The following MICAL3 variants were observed in gnomAD, a reference collection of about 807,000 sequenced individuals.
MICAL3 encodes the protein [F-actin]-monooxygenase MICAL3.
Under a neutral mutation model 207.4 loss-of-function variants are expected in MICAL3, and 62 were observed. The ratio of observed to expected loss-of-function variants is 0.30; its 90% CI spans 0.24 to 0.37. MICAL3 has a LOEUF of 0.37. Among genes scored for constraint, MICAL3 ranks in the 10% least tolerant of loss-of-function variants. MICAL3 has a pLI of 1.00. For synonymous variants in MICAL3, 1,077 were observed against 1,069.3 expected, an observed-to-expected ratio of 1.01 and a Z score of -0.14; for missense variants, 2,368 against 2,635.6, an observed-to-expected ratio of 0.90 and a Z score of 2.22.
At chr22:17,850,071 A>G (rs1925128753) in intron 19 of MICAL3, among the ~76,000 whole-genome samples, 1 of 152,106 alleles carries the variant, frequency 6.6e-6, no homozygotes, top group African/African-American at 2.4e-5. Flanking sequence ...CGGGGCACTG[A>G]GAATAGTGGG....
chr22:17,806,525 G>A (rs555778530), intron 29 of MICAL3, among the ~76,000 whole-genome samples: 4 of 150,064 alleles, frequency 2.7e-5, no homozygotes, highest in African/African-American at 9.8e-5. Flanking sequence ...CAGAAATCCT[G>A]AGATTTCCAA....
In MICAL3 at chr22:17,817,387, C is replaced by T; in HGVS notation, c.5274G>A (p.Lys1758=). 1 of 1,612,994 alleles carries T rather than the reference C, an allele frequency of 6.2e-7. No homozygotes were observed. The highest frequency in any genetic ancestry group is 2.2e-5 in the East Asian group (1 of 44,842). ...KKDKKKKADD[K]SCPSTPSSGA... ...CGCTGGAGGGGGTGCTGGGGCAGGA[C>T]TTGTCGTCGGCCTTCTTCTTCTTGT... Residue 1758 remains lysine (K), a synonymous_variant, in exon 26 of 32, where the codon AAG becomes AAA. Coordinates refer to ENST00000441493, the MANE Select transcript of MICAL3 (RefSeq NM_015241.3).
chr22:17,817,478 A>C lies in MICAL3; in HGVS notation c.5183T>G (p.Leu1728Arg). 1 of 1,613,506 alleles carries C rather than the reference A, an allele frequency of 6.2e-7. No homozygotes were observed. The highest frequency in any genetic ancestry group is 2.2e-5 in the East Asian group (1 of 44,864). ...GGGTTTGGCGGCGGCTTCTTCTAGG[A>C]GGTTGGAGCTGGGCTTCTCCGGGGG... ...GRPPEKPSSN[L>R]LEEAAAKPKS... Residue 1728 changes from leucine to arginine, a missense_variant, in exon 26 of 32, where the codon CTC becomes CGC. Around this residue, in one of 4 missense-constraint regions of MICAL3, gnomAD observed 1,770 missense variants for 1,863.2 expected, o/e 0.95. Transcript: ENST00000441493.
chr22:17,914,776 C>G (rs1932373543), intron 1 of MICAL3, among the ~76,000 whole-genome samples: 2 of 152,206 alleles, frequency 1.3e-5, no homozygotes, highest in African/African-American at 4.8e-5. Context: ...TACTGGCTGC[C>G]AAAAGGCTAA....
At chr22:17,988,775 G>A (rs1285065758) in intron 1 of MICAL3, among the ~76,000 whole-genome samples, 1 of 152,130 alleles carries the variant, frequency 6.6e-6, no homozygotes, top group Non-Finnish European at 1.5e-5. Context: ...CATTTCTAAA[G>A]GGCTGGGGAA....
intron 17 of MICAL3, among the ~76,000 whole-genome samples, chr22:17,867,664 T>G (rs535762200): frequency 6.6e-6 from 1 of 152,148 alleles, no homozygotes. Context: ...GGGACTGGCA[T>G]GTGGCCAAAG....
chr22:17,849,536 T>C (rs1925013217), intron 19 of MICAL3, among the ~76,000 whole-genome samples: 1 of 151,672 alleles, frequency 6.6e-6, no homozygotes, highest in Non-Finnish European at 1.5e-5. Context: ...GGTCTTGCTA[T>C]GTTGCCCAGG....
intron 19 of MICAL3, among the ~76,000 whole-genome samples, chr22:17,858,931 T>C (rs1479729118): frequency 6.6e-6 from 1 of 152,180 alleles, no homozygotes; most frequent in Non-Finnish European, 1.5e-5. Flanking sequence ...TCCATCCTTA[T>C]TACTGACGCT....
At position 17,906,378 on chromosome 22, in the gene MICAL3, C is replaced by T. The variant is rs922084872; in HGVS notation, c.264+171G>A. Reference sequence around the variant, plus strand: ...CTCAGCCTACCTCTAACTCAATCCTCCTCTTTGGCACCTGGATATGGTCGA... The same window carrying T: ...CTCAGCCTACCTCTAACTCAATCCTTCTCTTTGGCACCTGGATATGGTCGA... On this transcript the variant is annotated intron_variant, in intron 2 of 31. Transcript: ENST00000441493. Among the ~76,000 whole-genome samples the T allele has an allele frequency of 2.0e-5, 3 of 152,188 alleles. No individual in the cohort carries two copies. In the South Asian group the frequency reaches 6.2e-4, roughly 32 times the overall value.
chr22:17,874,852 C>T (rs984260455), intron 16 of MICAL3, among the ~76,000 whole-genome samples: 3 of 152,108 alleles, frequency 2.0e-5, no homozygotes, highest in Non-Finnish European at 2.9e-5. Context: ...TCCCGCCGCA[C>T]ACCATACGCG....
chr22:17,830,188 T>C (rs1922647645), intron 21 of MICAL3, among the ~76,000 whole-genome samples: 1 of 152,050 alleles, frequency 6.6e-6, no homozygotes, highest in African/African-American at 2.4e-5. Flanking sequence ...CCACACAGCA[T>C]CAGGAATCCC....
chr22:17,806,889 T>C (rs2061994393), intron 29 of MICAL3, among the ~76,000 whole-genome samples: 1 of 152,242 alleles, frequency 6.6e-6, no homozygotes, highest in South Asian at 2.1e-4. Context: ...GTATATTATT[T>C]TCCGGCCCTT....
In MICAL3 at chr22:17,871,931, A is replaced by G; in HGVS notation, c.2334T>C (p.Ser778=). 1.2e-6 allele frequency: 2 copies of G among 1,611,182 alleles called. No individual in the cohort carries two copies. Among genetic ancestry groups the G allele is most frequent in the Non-Finnish European group, 1.7e-6 (2 of 1,178,922 alleles). ...TCCGGTGGAAGAACTTGCCCTCGGC[A>G]CTCAGCCTCTCCATCACGTAGACCC... ...QKRVYVMERL[S]AEGKFFHRSC... Residue 778 remains serine, a synonymous_variant, in exon 17 of 32, where the codon AGT becomes AGC. Coordinates refer to ENST00000441493, the MANE Select transcript of MICAL3 (RefSeq NM_015241.3).
chr22:17,991,004 T>C (rs991075433), intron 1 of MICAL3, among the ~76,000 whole-genome samples: 9 of 152,156 alleles, frequency 5.9e-5, no homozygotes, highest in African/African-American at 7.2e-5. Context: ...GAGACAAGCA[T>C]TAAAGGAAAG....
intron 1 of MICAL3, among the ~76,000 whole-genome samples, chr22:17,984,097 T>G (rs9605482): frequency 0.025 from 3,880 of 152,238 alleles, 65 homozygotes; most frequent in African/African-American, 0.035. Flanking sequence ...TCGTCAAAGT[T>G]CAACAATCAA....
chr22:17,843,120 C>CAAAAAAAAAAAAAA (rs71966425), intron 19 of MICAL3, among the ~76,000 whole-genome samples: 1 of 62,916 alleles, frequency 1.6e-5, no homozygotes, highest in African/African-American at 6.2e-5. Flanking sequence ...GACTTCATCT[C>CAAAAAAAAAAAAAA]AAAAAAAAAA....
intron 1 of MICAL3, among the ~76,000 whole-genome samples, chr22:17,955,803 C>A (rs1190470318): frequency 6.6e-6 from 1 of 152,168 alleles, no homozygotes; most frequent in East Asian, 1.9e-4. Flanking sequence ...AAATAGATCT[C>A]ATGCCTGAGA....
chr22:17,844,752 G>A (rs763985155), intron 19 of MICAL3, among the ~76,000 whole-genome samples: 3 of 152,166 alleles, frequency 2.0e-5, no homozygotes, highest in African/African-American at 2.4e-5. Context: ...CTTCAACACC[G>A]AGCTCAGGGC....
chr22:18,015,587 A>G (rs1475986498), intron 1 of MICAL3, among the ~76,000 whole-genome samples: 1 of 151,724 alleles, frequency 6.6e-6, no homozygotes, highest in Non-Finnish European at 1.5e-5. Context: ...TAATTTTTGT[A>G]TTTTTAGTAG....
Sources: allele counts gnomAD v4.1 joint callset (sites outside exome capture counted in the v4.1 genomes callset), GRCh38; gene constraint gnomAD v4.1.1; regional missense constraint gnomAD v4.1.1; transcripts MANE v1.5; gene names NCBI Gene and HGNC (gene_info 2026-07-23, HGNC 2026-07-21).